Variants in KLC4 observed in about 807,000 individuals in gnomAD.
KLC4 encodes the protein kinesin-like protein 8.
KLC4 carries 49 observed loss-of-function variants against 77.2 expected under a neutral mutation model. The observed-to-expected ratio is 0.63, with a 90% CI of 0.50 to 0.80. KLC4 has a LOEUF of 0.80. Among genes scored for constraint, KLC4 ranks in the 30% least tolerant of loss-of-function variants. The pLI is 0.00. For synonymous variants in KLC4, 274 were observed against 314.5 expected, an observed-to-expected ratio of 0.87 and a Z score of 1.36; for missense variants, 669 against 793.5, an observed-to-expected ratio of 0.84 and a Z score of 1.89.
chr6:43,070,883 A>G lies in KLC4; in HGVS notation c.1155+18A>G, dbSNP rs1305568588. The G allele has an allele frequency of 2.0e-5, 23 of 1,164,630 alleles. No individual in the cohort carries two copies. Among genetic ancestry groups the G allele is most frequent in the Non-Finnish European group, 2.7e-5 (23 of 864,866 alleles). The allele number at this position is 1,164,630 out of a possible 1,614,324, so 72.1% of individuals were successfully genotyped here. On this transcript the variant is annotated intron_variant, in intron 8 of 15. Transcript: ENST00000347162. The stretch of plus-strand genomic sequence containing the variant: ...ACAACCTGGTATGGGAGGAGGGACA[A>G]AGTAGGTGGAAGAAACGGAGAGGGG...
At chr6:43,063,208 G>A (rs1765254866) in intron 3 of KLC4, 61 bp downstream of exon 3, 3 of 1,294,316 alleles carry the variant, frequency 2.3e-6, no homozygotes, top group Non-Finnish European at 3.3e-6. Context: ...CACAGACATG[G>A]GGGCAATTGC....
rs894624517 is a variant in KLC4, at chr6:43,061,335, G to A, written c.-1G>A. 2 of 1,613,186 alleles carry A rather than the reference G, an allele frequency of 1.2e-6. No individual in the cohort carries two copies. The highest frequency in any genetic ancestry group is 2.7e-5 in the African/African-American group (2 of 74,942). ...GACCGGGCAAGGTCCCCCAGGCCAG[G>A]ATGTCAGGCCTGGTGTTGGGGCAGC... On this transcript the variant is annotated 5_prime_UTR_variant, in exon 2 of 16. Transcript: ENST00000347162.
intron 3 of KLC4, among the ~76,000 whole-genome samples, chr6:43,064,022 A>T (rs1765296937): frequency 6.6e-6 from 1 of 151,672 alleles, no homozygotes; most frequent in African/African-American, 2.4e-5. Context: ...TTTTTAGTAG[A>T]GATGGAGCTT....
At chr6:43,060,001 C>T (rs900479289) in intron 1 of KLC4, 6 of 1,401,954 alleles carry the variant, frequency 4.3e-6, no homozygotes, top group Non-Finnish European at 5.6e-6. Context: ...CTCTCCCAAC[C>T]CTGGGCACCA....
intron 6 of KLC4, among the ~76,000 whole-genome samples, chr6:43,069,644 G>A (rs1354805448): frequency 2.0e-5 from 3 of 151,474 alleles, no homozygotes; most frequent in Non-Finnish European, 4.4e-5. Flanking sequence ...TCCACCTCCC[G>A]GGTTCAAGCA....
At position 43,072,608 on chromosome 6, in the gene KLC4, C is replaced by T. The variant is rs933406660; in HGVS notation, c.1489-216C>T. 4 of 583,750 alleles carry T rather than the reference C, an allele frequency of 6.9e-6. No homozygotes were observed. In the East Asian group the frequency reaches 1.2e-4, roughly 17 times the overall value. The allele number at this position is 583,750 out of a possible 1,614,324, so 36.2% of individuals were successfully genotyped here. The stretch of plus-strand genomic sequence containing the variant: ...GGGTCTCAATAGTAGGTTGTGAAAT[C>T]AATTCAGTATGGGCCATGGGGATAA... On this transcript the variant is annotated intron_variant, in intron 12 of 15. Coordinates refer to ENST00000347162, the MANE Select transcript of KLC4 (RefSeq NM_201521.3).
At chr6:43,060,418 A>C in intron 1 of KLC4, 5 of 790,772 alleles carry the variant, frequency 6.3e-6, no homozygotes, top group Non-Finnish European at 9.2e-6. Flanking sequence ...GGAGGGAGGG[A>C]GGGTGTTTGT....
rs137886276 is a variant in KLC4, at chr6:43,072,962, G to A, written c.1627G>A (p.Gly543Arg). The A allele has an allele frequency of 4.7e-4, 751 of 1,590,624 alleles. 7 individuals are homozygous for A. The African/African-American group carries it at 5.3e-3, about 11-fold the overall frequency. ...EDASVAVEWS[G>R]DGSGTLQRSG... is the part of the protein sequence containing the mutation. ...TGCTTCTGTGGCTGTGGAGTGGTCC[G>A]GGGTAAGTCTGATCATTGCCTTTTC... is the stretch of plus-strand genomic sequence containing the variant. Residue 543 changes from glycine (G) to arginine (R), a missense_variant and splice_region_variant, in exon 13 of 16, where the codon GGG (glycine) becomes AGG (arginine). Transcript: ENST00000347162.
intron 15 of KLC4, chr6:43,074,254 T>G: frequency 2.2e-6 from 1 of 461,026 alleles, no homozygotes; most frequent in African/African-American, 2.0e-5. Context: ...TATTTGGAGA[T>G]ACGAATTATT....
intron 1 of KLC4, 86 bp from the exon 2 acceptor site, chr6:43,061,225 A>G (rs747391212): frequency 5.1e-5 from 72 of 1,409,028 alleles, no homozygotes; most frequent in Non-Finnish European, 6.9e-5. Context: ...TTGTCCCTTC[A>G]CTTGGATTCC....
intron 6 of KLC4, among the ~76,000 whole-genome samples, chr6:43,068,266 G>A (rs981130904): frequency 2.6e-5 from 4 of 151,442 alleles, no homozygotes; most frequent in Admixed American, 1.3e-4. Flanking sequence ...GAGGTCAGGA[G>A]TTCAAGACCA....
At chr6:43,059,709 G>C (rs1765033786) in intron 1 of KLC4, 24 bp downstream of exon 1, 1 of 1,287,944 alleles carries the variant, frequency 7.8e-7, no homozygotes, top group Admixed American at 3.7e-5. Flanking sequence ...GGTATCCTGG[G>C]GCTGAAGGTT....
intron 3 of KLC4, 68 bp from the exon 4 acceptor site, chr6:43,065,552 G>C: frequency 2.0e-6 from 2 of 1,019,554 alleles, no homozygotes; most frequent in Non-Finnish European, 3.1e-6. Context: ...TCATGGCTTA[G>C]AGGGGTCACT....
chr6:43,059,862 A>C, intron 1 of KLC4, 177 bp downstream of exon 1: 29 of 1,192,676 alleles, frequency 2.4e-5, no homozygotes, highest in South Asian at 4.5e-5. Flanking sequence ...TAGACAGACG[A>C]CCTGCCCCGC....
At chr6:43,067,337 C>A in intron 6 of KLC4, 1 of 715,794 alleles carries the variant, frequency 1.4e-6, no homozygotes, top group Non-Finnish European at 2.0e-6. Context: ...GGTAAATCCA[C>A]ATATGATTTC....
intron 1 of KLC4, chr6:43,059,895 A>T (rs910225245): frequency 3.3e-5 from 41 of 1,227,204 alleles, no homozygotes; most frequent in Admixed American, 1.2e-4. Flanking sequence ...CGACTGACTC[A>T]GTGACCTCGG....
intron 2 of KLC4, among the ~76,000 whole-genome samples, chr6:43,062,315 GCT>G (rs1252136718): frequency 1.3e-5 from 2 of 152,234 alleles, no homozygotes; most frequent in African/African-American, 4.8e-5. Context: ...CACAATCCTG[GCT>G]CTCTGCAACC....
At position 43,072,926 on chromosome 6, in the gene KLC4, G is replaced by A. The variant is rs144584070; in HGVS notation, c.1591G>A (p.Gly531Arg). Residue 531 changes from glycine (G) to arginine (R), a missense_variant, in exon 13 of 16, where the codon GGA becomes AGA. Coordinates refer to ENST00000347162, the MANE Select transcript of KLC4 (RefSeq NM_201521.3). ...CCCTGGAGACAGTGTGAAATTCGAGGGAGGTGAAGATGCTTCTGTGGCTGT... is the reference window on the plus strand; with the variant it reads ...CCCTGGAGACAGTGTGAAATTCGAGAGAGGTGAAGATGCTTCTGTGGCTGT... The part of the protein sequence containing the change: ...EGPGDSVKFE[G>R]GEDASVAVEW... The A allele has an allele frequency of 5.6e-6, 9 of 1,610,722 alleles. No individual in the cohort carries two copies. The African/African-American group carries it at 1.2e-4, about 22-fold the overall frequency.
In KLC4 at chr6:43,070,828, C is replaced by G. The variant is rs768950138; in HGVS notation, c.1118C>G (p.Pro373Arg). Residue 373 changes from proline to arginine, a missense_variant, in exon 8 of 16, where the codon CCG becomes CGG. Physicochemically the swap from Pro to Arg is moderately radical, Grantham distance 103. Transcript: ENST00000347162. ...GCCATCTACGAGGGGCAGCTGGGGC[C>G]GGACAACCCTAATGTAGCCCGGACC... ...ALAIYEGQLG[P>R]DNPNVARTKN... 2 of 1,610,416 alleles carry G rather than the reference C, an allele frequency of 1.2e-6. No homozygotes were observed. Among genetic ancestry groups the G allele is most frequent in the Admixed American group, 1.7e-5 (1 of 59,180 alleles).
Sources: gnomAD v4.1 joint callset for allele counts (sites outside exome capture counted in the v4.1 genomes callset) on GRCh38, gnomAD v4.1.1 for gene constraint, MANE v1.5 for transcripts, NCBI Gene and HGNC (gene_info 2026-07-23, HGNC 2026-07-21) for gene names.